Variants in PCNX2 observed in about 807,000 individuals in gnomAD.
PCNX2 encodes the protein pecanex 2, also known as pecanex-like protein 2.
A neutral mutation model predicts 223.8 loss-of-function variants in PCNX2; 168 were observed. The observed-to-expected ratio is 0.75, with a 90% CI of 0.66 to 0.85. The LOEUF (loss-of-function observed/expected upper bound fraction) is 0.85. PCNX2 is among the 40% of genes least tolerant of loss of function. PCNX2 has a pLI of 0.00. For missense variants in PCNX2, 2,507 were observed against 2,675.5 expected, an observed-to-expected ratio of 0.94 and a Z score of 1.39; for synonymous variants, 1,006 against 1,052.6, an observed-to-expected ratio of 0.96 and a Z score of 0.86.
At chr1:233,262,385 T>C (rs1338954537) in intron 2 of PCNX2, among the ~76,000 whole-genome samples, 1 of 152,126 alleles carries the variant, frequency 6.6e-6, no homozygotes, top group African/African-American at 2.4e-5. Context: ...CTCAAGCTCC[T>C]GGACTCAAGT....
intron 21 of PCNX2, among the ~76,000 whole-genome samples, chr1:233,123,968 T>C (rs1675953240): frequency 6.6e-6 from 1 of 152,232 alleles, no homozygotes; most frequent in African/African-American, 2.4e-5. Context: ...TAAGTTATTA[T>C]AATAAAGACA....
At chr1:233,074,850 T>C (rs921853386) in intron 23 of PCNX2, among the ~76,000 whole-genome samples, 1 of 151,904 alleles carries the variant, frequency 6.6e-6, no homozygotes, top group Non-Finnish European at 1.5e-5. Flanking sequence ...ATTAAGGAAA[T>C]GCAAAGTAAA....
chr1:232,998,998 A>C (rs756499062), intron 31 of PCNX2, 107 bp downstream of exon 31: 579 of 1,302,910 alleles, frequency 4.4e-4, no homozygotes, highest in Non-Finnish European at 5.5e-4. Flanking sequence ...TAATCATATG[A>C]GAAAATGGTG....
chr1:233,197,113 A>G (rs1680781286), intron 15 of PCNX2, among the ~76,000 whole-genome samples: 1 of 152,204 alleles, frequency 6.6e-6, no homozygotes, highest in Non-Finnish European at 1.5e-5. Context: ...GGCTGGAGAT[A>G]GGGGAAGAGA....
intron 25 of PCNX2, among the ~76,000 whole-genome samples, chr1:233,047,816 T>C (rs1418262510): frequency 6.6e-6 from 1 of 152,010 alleles, no homozygotes; most frequent in Non-Finnish European, 1.5e-5. Context: ...GGCGGAAAAC[T>C]AACAAAGAAA....
intron 23 of PCNX2, among the ~76,000 whole-genome samples, chr1:233,086,602 C>T (rs551654995): frequency 1.3e-5 from 2 of 152,024 alleles, no homozygotes; most frequent in South Asian, 2.1e-4. Context: ...ACCTGGGAGG[C>T]GGAGCTTGCA....
intron 33 of PCNX2, 189 bp downstream of exon 33, chr1:232,985,903 G>T: frequency 1.5e-6 from 1 of 669,038 alleles, no homozygotes. Flanking sequence ...TCTGTATCTT[G>T]TCTGCTTTCA....
rs145712620 is a variant in PCNX2, at chr1:232,986,970, C to T, written c.5792-430G>A. 4.6e-3 allele frequency among the ~76,000 whole-genome samples: 705 copies of T among 152,300 alleles called. 2 individuals are homozygous for T. Among genetic ancestry groups the T allele is most frequent in the Middle Eastern group, 0.037 (11 of 294 alleles). The stretch of plus-strand genomic sequence containing the variant: ...ATGATCCTGGCTCAGGACCTTGGTT[C>T]CCATGCTCATCCGATCAGCAGTGAT... On this transcript the variant is annotated intron_variant, in intron 32 of 33. Transcript: ENST00000258229.
intron 23 of PCNX2, among the ~76,000 whole-genome samples, chr1:233,087,899 G>A (rs1003568994): frequency 6.6e-6 from 1 of 152,146 alleles, no homozygotes; most frequent in Non-Finnish European, 1.5e-5. Flanking sequence ...GGCAGCCAGA[G>A]GCAGACACCC....
In PCNX2 at chr1:233,149,235, T is replaced by C. The variant is rs1003147231; in HGVS notation, c.3518-9380A>G. ...CATTTACAAGTTTATATATAACTCA[T>C]TACAATTAAAAGCTTTAAATTGTCT... On this transcript the variant is annotated intron_variant, in intron 19 of 33. Transcript: ENST00000258229. Among the ~76,000 whole-genome samples, 5 of 152,254 alleles carry C rather than the reference T, an allele frequency of 3.3e-5. No individual in the cohort carries two copies. The South Asian group carries it at 1.0e-3, about 31-fold the overall frequency.
chr1:233,128,345 T>A, intron 21 of PCNX2, among the ~76,000 whole-genome samples: 1 of 151,920 alleles, frequency 6.6e-6, no homozygotes, highest in African/African-American at 2.4e-5. Context: ...TTTGTTTTGG[T>A]TTTTTTTGAG....
chr1:233,181,505 A>T (rs1468154545), intron 15 of PCNX2, among the ~76,000 whole-genome samples: 1 of 152,110 alleles, frequency 6.6e-6, no homozygotes, highest in Non-Finnish European at 1.5e-5. Flanking sequence ...CCAGTTGCTG[A>T]CATCTTTAAC....
intron 23 of PCNX2, among the ~76,000 whole-genome samples, chr1:233,070,343 C>A (rs546437237): frequency 8.5e-4 from 129 of 152,066 alleles, no homozygotes; most frequent in Non-Finnish European, 1.5e-3. Flanking sequence ...GAGGAAGAGA[C>A]ACTTTCCTAT....
chr1:233,128,223 T>C (rs1195033048), intron 21 of PCNX2, among the ~76,000 whole-genome samples: 1 of 152,244 alleles, frequency 6.6e-6, no homozygotes, highest in Non-Finnish European at 1.5e-5. Flanking sequence ...GTCTAATGTA[T>C]TCTGGAAATG....
chr1:233,004,929 A>C (rs2102803083), intron 28 of PCNX2, among the ~76,000 whole-genome samples: 1 of 152,328 alleles, frequency 6.6e-6, no homozygotes, highest in South Asian at 2.1e-4. Flanking sequence ...AAAGGATCCA[A>C]GAAGCTATCA....
rs528787199 is a variant in PCNX2, at chr1:232,987,180, C to T, written c.5792-640G>A. On this transcript the variant is annotated intron_variant, in intron 32 of 33. Transcript: ENST00000258229. The stretch of plus-strand genomic sequence containing the variant: ...CTCAGCCAGCCCCTTTGCCCACTGC[C>T]TCGCCCCTCAGGGGCCCTGCCACCC... Among the ~76,000 whole-genome samples the T allele has an allele frequency of 1.4e-3, 208 of 152,374 alleles. 2 individuals carry two copies. Among genetic ancestry groups the T allele is most frequent in the African/African-American group, 4.7e-3 (196 of 41,586 alleles).
intron 33 of PCNX2, chr1:232,984,697 A>T (rs1669403724): frequency 2.0e-6 from 1 of 502,864 alleles, no homozygotes; most frequent in Non-Finnish European, 3.5e-6. Flanking sequence ...GGGGCTCTGC[A>T]CGTGGGCCTT....
intron 28 of PCNX2, among the ~76,000 whole-genome samples, chr1:233,010,993 C>A (rs1670448102): frequency 6.6e-6 from 1 of 152,186 alleles, no homozygotes; most frequent in African/African-American, 2.4e-5. Flanking sequence ...TTCACCATCA[C>A]CTGATGTGCT....
chr1:233,032,907 C>G, intron 25 of PCNX2: 1 of 861,322 alleles, frequency 1.2e-6, no homozygotes, highest in South Asian at 5.4e-5. Flanking sequence ...GAGTCACACT[C>G]AGGATCATAT....
Sources: gnomAD v4.1 joint callset for allele counts (sites outside exome capture counted in the v4.1 genomes callset) on GRCh38, gnomAD v4.1.1 for gene constraint, MANE v1.5 for transcripts, NCBI Gene and HGNC (gene_info 2026-07-23, HGNC 2026-07-21) for gene names.